The following RAI2 variants were observed in gnomAD, a reference collection of about 807,000 sequenced individuals.
RAI2 encodes retinoic acid-induced protein 2.
RAI2 carries 5 observed loss-of-function variants against 15.3 expected under a neutral mutation model. That is an observed-to-expected ratio of 0.33 (90% CI 0.17 to 0.69). The LOEUF (loss-of-function observed/expected upper bound fraction) is 0.69. Among genes scored for constraint, RAI2 ranks in the 30% least tolerant of loss-of-function variants. RAI2 has a pLI of 0.69. For missense variants in RAI2, 424 were observed against 424.7 expected (o/e 1.00, Z 0.01); for synonymous variants, 191 against 184.0 (o/e 1.04, Z -0.31).
At chrX:17,832,440 G>A (rs1400352060) in intron 1 of RAI2, among the ~76,000 whole-genome samples, 1 of 112,245 alleles carries the variant, frequency 8.9e-6, no homozygotes, top group Non-Finnish European at 1.9e-5. Flanking sequence ...GAGGGAGGGG[G>A]CAGCCTTCTA....
At chrX:17,828,122 G>A (rs766142607) in intron 1 of RAI2, among the ~76,000 whole-genome samples, 11 of 110,934 alleles carry the variant, frequency 9.9e-5, no homozygotes, top group South Asian at 3.9e-4. Context: ...ACAGGCCCCC[G>A]CAGCACAAAA....
chrX:17,807,414 G>A (rs1034551893), intron 1 of RAI2, among the ~76,000 whole-genome samples: 2 of 111,799 alleles, frequency 1.8e-5, no homozygotes, highest in African/African-American at 3.3e-5. Context: ...ACAAATGAAC[G>A]CCTAAGCCTT....
intron 1 of RAI2, among the ~76,000 whole-genome samples, chrX:17,820,486 C>G (rs894722727): frequency 2.7e-5 from 3 of 111,567 alleles, no homozygotes; most frequent in African/African-American, 9.8e-5. Context: ...GTCAGAAGTT[C>G]CTTAAAGGCA....
intron 1 of RAI2, among the ~76,000 whole-genome samples, chrX:17,821,886 AAT>A (rs1334452290): frequency 1.4e-4 from 16 of 110,473 alleles, no homozygotes; most frequent in African/African-American, 5.3e-4. Context: ...GCTTTCAGGT[AAT>A]GAAGTGACAA....
chrX:17,804,467 C>A (rs1168477062), intron 1 of RAI2, among the ~76,000 whole-genome samples: 1 of 112,121 alleles, frequency 8.9e-6, no homozygotes, highest in African/African-American at 3.3e-5. Flanking sequence ...TGGCCACTTG[C>A]ACAAAGCCCC....
chrX:17,834,749 G>A (rs1253077075), intron 1 of RAI2, among the ~76,000 whole-genome samples: 1 of 111,285 alleles, frequency 9.0e-6, no homozygotes, highest in Admixed American at 9.6e-5. Flanking sequence ...AGGTTGAGGA[G>A]AAGGCAGGGT....
intron 1 of RAI2, among the ~76,000 whole-genome samples, chrX:17,826,148 CT>C (rs1367713320): frequency 1.8e-5 from 2 of 112,887 alleles, no homozygotes; most frequent in African/African-American, 6.4e-5. Context: ...GTACCAAACT[CT>C]TTCCTGCCTC....
At chrX:17,855,993 G>A (rs2067597916) in intron 1 of RAI2, among the ~76,000 whole-genome samples, 1 of 111,938 alleles carries the variant, frequency 8.9e-6, no homozygotes, top group African/African-American at 3.3e-5. Context: ...AGTGGCTAGT[G>A]TGTGGGACAG....
intron 1 of RAI2, among the ~76,000 whole-genome samples, chrX:17,838,886 G>A (rs1052337380): frequency 9.0e-6 from 1 of 111,692 alleles, no homozygotes; most frequent in African/African-American, 3.3e-5. Flanking sequence ...CTGCATACAC[G>A]CAAAGCACAC....
chrX:17,831,824 T>C, intron 1 of RAI2, among the ~76,000 whole-genome samples: 1 of 112,487 alleles, frequency 8.9e-6, no homozygotes, highest in Middle Eastern at 4.6e-3. Flanking sequence ...TTGATAGCTG[T>C]TATGAGTGCA....
At chrX:17,831,045 A>ATACCT (rs1286041176) in intron 1 of RAI2, among the ~76,000 whole-genome samples, 1 of 111,943 alleles carries the variant, frequency 8.9e-6, no homozygotes, top group African/African-American at 3.2e-5. Context: ...ATAAAAGGAC[A>ATACCT]TACCTTACAC....
intron 1 of RAI2, among the ~76,000 whole-genome samples, chrX:17,802,905 G>A (rs1027657420): frequency 3.6e-5 from 4 of 111,729 alleles, no homozygotes; most frequent in Admixed American, 9.4e-5. Flanking sequence ...CACCTAGCGC[G>A]TGTGCTTCCT....
intron 1 of RAI2, among the ~76,000 whole-genome samples, chrX:17,819,908 GTGT>G (rs1333305067): frequency 2.4e-4 from 27 of 112,462 alleles, no homozygotes; most frequent in African/African-American, 8.4e-4. Flanking sequence ...GGTTACAAAG[GTGT>G]GTACAAAATG....
intron 1 of RAI2, among the ~76,000 whole-genome samples, chrX:17,819,350 A>G (rs2067140409): frequency 8.9e-6 from 1 of 112,470 alleles, no homozygotes; most frequent in Non-Finnish European, 1.9e-5. Context: ...AAACACCAAA[A>G]GTTGGTGAGG....
chrX:17,803,585 G>A (rs919809105), intron 1 of RAI2, among the ~76,000 whole-genome samples: 3 of 111,966 alleles, frequency 2.7e-5, no homozygotes, highest in Non-Finnish European at 5.6e-5. Context: ...ACTACAGTAA[G>A]GCAGCTTTAA....
intron 1 of RAI2, among the ~76,000 whole-genome samples, chrX:17,847,391 C>G (rs73447864): frequency 0.018 from 1,991 of 112,438 alleles, 40 homozygotes; most frequent in African/African-American, 0.06. Flanking sequence ...ACTAGGTCAC[C>G]TCAAAAGCCT....
chrX:17,806,666 T>C (rs946333415), intron 1 of RAI2, among the ~76,000 whole-genome samples: 2 of 111,386 alleles, frequency 1.8e-5, no homozygotes, highest in East Asian at 2.8e-4. Context: ...TTGCAGACTT[T>C]TGGGGTGTAT....
At chrX:17,822,611 C>T (rs754539734) in intron 1 of RAI2, among the ~76,000 whole-genome samples, 1 of 112,096 alleles carries the variant, frequency 8.9e-6, no homozygotes, top group Non-Finnish European at 1.9e-5. Flanking sequence ...TCTGATTTCT[C>T]CCAGAAGAAT....
intron 1 of RAI2, among the ~76,000 whole-genome samples, chrX:17,854,123 GA>G (rs1365541661): frequency 8.9e-6 from 1 of 112,019 alleles, no homozygotes; most frequent in Non-Finnish European, 1.9e-5. Flanking sequence ...AAAGCTTCCT[GA>G]ATCTTTCCTT....
Sources: allele counts gnomAD v4.1 joint callset (sites outside exome capture counted in the v4.1 genomes callset), GRCh38; gene constraint gnomAD v4.1.1; transcripts MANE v1.5; gene names NCBI Gene and HGNC (gene_info 2026-07-23, HGNC 2026-07-21).